KCNJ6: variants seen among roughly 807,000 people sequenced by gnomAD.
The protein encoded by KCNJ6 is G protein-activated inward rectifier potassium channel 2.
KCNJ6 carries 9 observed loss-of-function variants against 34.2 expected under a neutral mutation model. That is an observed-to-expected ratio of 0.26 (90% CI 0.16 to 0.46). KCNJ6 has a LOEUF of 0.46. Ranked by LOEUF, KCNJ6 falls within the 20% of genes least tolerant of loss-of-function variation. KCNJ6 has a pLI of 1.00. For synonymous variants in KCNJ6, 196 were observed against 207.1 expected (o/e 0.95, Z 0.46); for missense variants, 236 against 531.3 (o/e 0.44, Z 5.46).
At chr21:37,799,785 T>A (rs1387620643) in intron 2 of KCNJ6, among the ~76,000 whole-genome samples, 2 of 152,194 alleles carry the variant, frequency 1.3e-5, no homozygotes, top group African/African-American at 4.8e-5. Context: ...ATTTAAAATG[T>A]GGTTTAGTTT....
intron 1 of KCNJ6, among the ~76,000 whole-genome samples, chr21:37,914,313 G>C (rs2123657323): frequency 6.6e-6 from 1 of 152,326 alleles, no homozygotes; most frequent in African/African-American, 2.4e-5. Context: ...AGTGGGTACT[G>C]CTTGCTGGGG....
intron 3 of KCNJ6, among the ~76,000 whole-genome samples, chr21:37,684,807 A>C (rs558529058): frequency 1.3e-5 from 2 of 152,340 alleles, no homozygotes; most frequent in South Asian, 4.1e-4. Context: ...TCAGTCTAAA[A>C]ATTAAACTGT....
intron 1 of KCNJ6, among the ~76,000 whole-genome samples, chr21:37,871,830 T>TG (rs869281280): frequency 2.0e-5 from 1 of 50,406 alleles, no homozygotes; most frequent in African/African-American, 4.2e-5. Flanking sequence ...TTTTCTTCTA[T>TG]TTTTTAACGA....
rs748036608 is a variant in KCNJ6 at position 37,819,855 on chromosome 21, G to T, written c.25+20803C>A. 2.0e-5 allele frequency among the ~76,000 whole-genome samples: 3 copies of T among 149,896 alleles called. No homozygotes were observed. In the Admixed American group the frequency reaches 2.0e-4, roughly 10 times the overall value. ...TTGGAATGCAATGGCACAATTTTGGGTCATTGCAACCTCTGCCCCCTGTGT... is the reference window on the plus strand; with the variant it reads ...TTGGAATGCAATGGCACAATTTTGGTTCATTGCAACCTCTGCCCCCTGTGT... On this transcript the variant is annotated intron_variant, in intron 2 of 3. Transcript: ENST00000609713.
chr21:37,789,014 T>C (rs2055204832), intron 2 of KCNJ6, among the ~76,000 whole-genome samples: 1 of 152,226 alleles, frequency 6.6e-6, no homozygotes, highest in African/African-American at 2.4e-5. Context: ...AGTTTATTAT[T>C]TCACTACTCT....
intron 3 of KCNJ6, among the ~76,000 whole-genome samples, chr21:37,679,278 G>A (rs2054580414): frequency 6.6e-6 from 1 of 152,234 alleles, no homozygotes; most frequent in African/African-American, 2.4e-5. Context: ...CAGAAGCTGT[G>A]AGACAATAAG....
intron 3 of KCNJ6, among the ~76,000 whole-genome samples, chr21:37,682,803 T>C (rs1470578863): frequency 6.6e-6 from 1 of 152,120 alleles, no homozygotes; most frequent in Non-Finnish European, 1.5e-5. Flanking sequence ...CCCAGGGGTG[T>C]TCCTTGGGGT....
intron 1 of KCNJ6, among the ~76,000 whole-genome samples, chr21:37,845,977 T>C (rs536568317): frequency 2.0e-5 from 3 of 152,138 alleles, no homozygotes; most frequent in African/African-American, 7.2e-5. Context: ...ATCAAACGTT[T>C]GGGGTAATCA....
chr21:37,749,453 C>A (rs2054983772), intron 2 of KCNJ6, among the ~76,000 whole-genome samples: 1 of 152,138 alleles, frequency 6.6e-6, no homozygotes, highest in Admixed American at 6.6e-5. Flanking sequence ...CTCAATGAAT[C>A]CACCTGGACT....
chr21:37,625,536 G>T, intron 3 of KCNJ6, 52 bp from the exon 4 acceptor site: 1 of 1,395,306 alleles, frequency 7.2e-7, no homozygotes, highest in Non-Finnish European at 1.0e-6. Context: ...GGCTTTCCAT[G>T]GCCAAGGAGT....
At chr21:37,803,549 G>A (rs1036041149) in intron 2 of KCNJ6, among the ~76,000 whole-genome samples, 2 of 152,156 alleles carry the variant, frequency 1.3e-5, no homozygotes, top group Admixed American at 6.5e-5. Context: ...GTGTTGGACA[G>A]TATTTCACCG....
intron 1 of KCNJ6, among the ~76,000 whole-genome samples, chr21:37,846,616 G>A (rs767936544): frequency 1.3e-5 from 2 of 152,064 alleles, no homozygotes; most frequent in African/African-American, 2.4e-5. Flanking sequence ...ACTCATCATG[G>A]TTGATATATT....
intron 2 of KCNJ6, among the ~76,000 whole-genome samples, chr21:37,810,745 C>T (rs997517182): frequency 6.6e-6 from 1 of 152,140 alleles, no homozygotes; most frequent in Non-Finnish European, 1.5e-5. Context: ...GTGTGTGATA[C>T]TGTGATTTAT....
chr21:37,897,630 T>C (rs1399556554), intron 1 of KCNJ6, among the ~76,000 whole-genome samples: 3 of 152,150 alleles, frequency 2.0e-5, no homozygotes, highest in Non-Finnish European at 2.9e-5. Context: ...TTGTACTCCA[T>C]TGTCACACTG....
chr21:37,663,759 G>A (rs2054500933), intron 3 of KCNJ6, among the ~76,000 whole-genome samples: 1 of 151,988 alleles, frequency 6.6e-6, no homozygotes, highest in East Asian at 1.9e-4. Context: ...AAGATGAAAT[G>A]GACACAGTCA....
At chr21:37,637,952 G>A (rs1385209094) in intron 3 of KCNJ6, among the ~76,000 whole-genome samples, 1 of 152,170 alleles carries the variant, frequency 6.6e-6, no homozygotes, top group Non-Finnish European at 1.5e-5. Context: ...CTCTAGAACT[G>A]TAAGGAAATA....
At chr21:37,856,537 G>A (rs1416336393) in intron 1 of KCNJ6, among the ~76,000 whole-genome samples, 1 of 152,070 alleles carries the variant, frequency 6.6e-6, no homozygotes, top group Non-Finnish European at 1.5e-5. Context: ...AAGTCAGTGT[G>A]GAAAATGCCC....
intron 2 of KCNJ6, among the ~76,000 whole-genome samples, chr21:37,768,959 G>A (rs948164399): frequency 6.6e-6 from 1 of 152,224 alleles, no homozygotes; most frequent in African/African-American, 2.4e-5. Context: ...CCTGCATGCA[G>A]GTGTGTTTAG....
intron 2 of KCNJ6, among the ~76,000 whole-genome samples, chr21:37,732,547 C>T (rs994046653): frequency 6.6e-6 from 1 of 152,156 alleles, no homozygotes; most frequent in African/African-American, 2.4e-5. Context: ...AAGAACTAGT[C>T]TCTGCATGAC....
Sources: allele counts gnomAD v4.1 joint callset (sites outside exome capture counted in the v4.1 genomes callset), GRCh38; gene constraint gnomAD v4.1.1; transcripts MANE v1.5; gene names NCBI Gene and HGNC (gene_info 2026-07-23, HGNC 2026-07-21).